The following DAP3 variants were observed in gnomAD, a reference collection of about 807,000 sequenced individuals.
The protein encoded by DAP3 is death associated protein 3, also known as small ribosomal subunit protein mS29.
DAP3 carries 28 observed loss-of-function variants against 51.9 expected under a neutral mutation model. The observed-to-expected ratio is 0.54, with a 90% CI of 0.40 to 0.74. DAP3 has a LOEUF of 0.74. Among genes scored for constraint, DAP3 ranks in the 30% least tolerant of loss-of-function variants. The probability of loss-of-function intolerance (pLI) is 0.00; values close to 1 mark genes in which losing one functional copy is unlikely to be tolerated. For synonymous variants in DAP3, 170 were observed against 170.3 expected, an observed-to-expected ratio of 1.00 and a Z score of 0.01; for missense variants, 458 against 483.5, an observed-to-expected ratio of 0.95 and a Z score of 0.49.
chr1:155,689,559 A>G (rs1268510138), intron 1 of DAP3: 1 of 377,984 alleles, frequency 2.6e-6, no homozygotes, highest in Non-Finnish European at 5.2e-6. Flanking sequence ...TTAGTTCCTT[A>G]TCAAAAAGTG....
At chr1:155,697,007 A>G (rs983502863) in intron 1 of DAP3, among the ~76,000 whole-genome samples, 6 of 152,226 alleles carry the variant, frequency 3.9e-5, no homozygotes, top group African/African-American at 1.4e-4. Flanking sequence ...AGCATGCACC[A>G]TCTACCATAC....
At chr1:155,709,671 T>C (rs1656448404) in intron 1 of DAP3, 102 bp from the exon 2 acceptor site, 1 of 903,242 alleles carries the variant, frequency 1.1e-6, no homozygotes, top group South Asian at 2.1e-5. Context: ...TAGATATTAA[T>C]ATAGATTATT....
intron 11 of DAP3, among the ~76,000 whole-genome samples, chr1:155,732,820 C>T (rs1382421316): frequency 2.0e-5 from 3 of 151,854 alleles, no homozygotes; most frequent in Admixed American, 6.6e-5. Context: ...GTCAGGAGAT[C>T]GAGACCATCC....
At chr1:155,695,068 T>C (rs1654343310) in intron 1 of DAP3, among the ~76,000 whole-genome samples, 1 of 152,238 alleles carries the variant, frequency 6.6e-6, no homozygotes, top group Admixed American at 6.5e-5. Context: ...CTGTGTTCAA[T>C]GCTCTGTTGT....
At chr1:155,723,608 G>C (rs9426929) in intron 4 of DAP3, among the ~76,000 whole-genome samples, 20,903 of 152,046 alleles carry the variant, frequency 0.14, 2,966 homozygotes, top group African/African-American at 0.36. Flanking sequence ...GGATTACAGG[G>C]ATGAGCCACC....
At chr1:155,718,537 A>G (rs1374558464) in intron 3 of DAP3, among the ~76,000 whole-genome samples, 2 of 151,936 alleles carry the variant, frequency 1.3e-5, no homozygotes, top group Admixed American at 1.3e-4. Context: ...ACAAAAAAAA[A>G]TTAGTTGAGC....
At position 155,689,163 on chromosome 1, in the gene DAP3, C is replaced by A. The variant is rs1440944938; in HGVS notation, c.-19C>A. On this transcript the variant is annotated 5_prime_UTR_variant, in exon 1 of 13. Coordinates refer to ENST00000368336, the MANE Select transcript of DAP3 (RefSeq NM_004632.4). ...CGGTCGCCTAGTCTGGAGAACTAGT[C>A]CTCGACTCACGGTGAGGGAATGGAC... 6.6e-6 allele frequency: 5 copies of A among 758,794 alleles called. No homozygotes were observed. The highest frequency in any genetic ancestry group is 1.1e-5 in the Non-Finnish European group (5 of 441,098). The allele number at this position is 758,794 out of a possible 1,614,324, so 47.0% of individuals were successfully genotyped here.
rs760491767 is a variant in DAP3 at position 155,725,502 on chromosome 1, T to A, written c.379+12T>A. 1.9e-6 allele frequency: 3 copies of A among 1,603,130 alleles called. No homozygotes were observed. On this transcript the variant is annotated intron_variant, in intron 5 of 12. Transcript: ENST00000368336. ...ACGATATCTTCTGTGTATCCTTTCCTGCCTGCGTGGACCCTCATGAACCAA... is the reference window on the plus strand; with the variant it reads ...ACGATATCTTCTGTGTATCCTTTCCAGCCTGCGTGGACCCTCATGAACCAA...
chr1:155,725,836 C>T, intron 5 of DAP3, 91 bp from the exon 6 acceptor site: 1 of 1,227,444 alleles, frequency 8.1e-7, no homozygotes, highest in South Asian at 1.3e-5. Context: ...TGCACTCCAA[C>T]CCCATCTCAA....
At chr1:155,688,302 G>T, upstream of DAP3, 1 of 1,567,218 alleles carries the variant, frequency 6.4e-7, no homozygotes, top group Non-Finnish European at 8.6e-7. Context: ...GTTTCCCCTC[G>T]CAAAGCGAAC....
In DAP3 at chr1:155,738,235, A is replaced by G. The variant is rs1423798192; in HGVS notation, c.1190A>G (p.Tyr397Cys). The change falls in exon 13 of 13, where the codon TAC (tyrosine) becomes TGC (cysteine). Residue 397 changes from tyrosine (Y) to cysteine (C), a missense_variant. Coordinates refer to ENST00000368336, the MANE Select transcript of DAP3 (RefSeq NM_004632.4). ...TCGCTGCTGGAGCGGCACTGTGCCT[A>G]CCTCTAAGCCAAGATCACAGCATGT... The part of the protein sequence containing the change: ...NPSLLERHCA[Y>C]L 1 of 1,614,194 alleles carries G rather than the reference A, an allele frequency of 6.2e-7. No homozygotes were observed. The highest frequency in any genetic ancestry group is 1.3e-5 in the African/African-American group (1 of 75,060).
At chr1:155,706,436 C>T (rs968641937) in intron 1 of DAP3, among the ~76,000 whole-genome samples, 2 of 152,144 alleles carry the variant, frequency 1.3e-5, no homozygotes, top group African/African-American at 4.8e-5. Context: ...TAATTGGTTG[C>T]AACTCTATGG....
intron 3 of DAP3, among the ~76,000 whole-genome samples, chr1:155,718,254 C>T (rs1334819925): frequency 1.3e-5 from 2 of 152,062 alleles, no homozygotes; most frequent in African/African-American, 2.4e-5. Flanking sequence ...GGTGTGGTGG[C>T]GGGCACCTGT....
At chr1:155,701,702 AAAG>A (rs1213755843) in intron 1 of DAP3, among the ~76,000 whole-genome samples, 2 of 151,606 alleles carry the variant, frequency 1.3e-5, no homozygotes, top group Admixed American at 6.6e-5. Context: ...AAAAAAAAAA[AAAG>A]AAAATGATCA....
intron 11 of DAP3, among the ~76,000 whole-genome samples, chr1:155,732,887 C>T (rs1007861675): frequency 6.6e-6 from 1 of 151,988 alleles, no homozygotes. Flanking sequence ...AGCCAGGCGT[C>T]GTGGCGCGTG....
At chr1:155,711,468 G>C (rs1656694585) in intron 2 of DAP3, among the ~76,000 whole-genome samples, 1 of 151,944 alleles carries the variant, frequency 6.6e-6, no homozygotes. Context: ...ACTCTAGCCT[G>C]GGCAATAGAG....
intron 1 of DAP3, among the ~76,000 whole-genome samples, chr1:155,705,005 T>C (rs902860734): frequency 1.3e-5 from 2 of 151,960 alleles, no homozygotes; most frequent in African/African-American, 4.8e-5. Flanking sequence ...ATCCAGTATA[T>C]TTAAGGCCAA....
intron 9 of DAP3, among the ~76,000 whole-genome samples, chr1:155,730,925 C>G (rs796853243): frequency 7.9e-5 from 12 of 152,144 alleles, no homozygotes; most frequent in African/African-American, 2.9e-4. Flanking sequence ...GTGGCTTATC[C>G]TAGAGGGAGT....
At chr1:155,731,131 G>T (rs771129811) in intron 9 of DAP3, among the ~76,000 whole-genome samples, 1 of 152,018 alleles carries the variant, frequency 6.6e-6, no homozygotes, top group Non-Finnish European at 1.5e-5. Context: ...TTAGGCTCTG[G>T]TGGCGCGCGC....
Sources: gnomAD v4.1 joint callset for allele counts (sites outside exome capture counted in the v4.1 genomes callset) on GRCh38, gnomAD v4.1.1 for gene constraint, MANE v1.5 for transcripts, NCBI Gene and HGNC (gene_info 2026-07-23, HGNC 2026-07-21) for gene names.